The following PTPRD variants were observed in gnomAD, a reference collection of about 807,000 sequenced individuals.
The protein encoded by PTPRD is receptor-type tyrosine-protein phosphatase delta.
A neutral mutation model predicts 214.5 loss-of-function variants in PTPRD; 34 were observed. That is an observed-to-expected ratio of 0.16 (90% CI 0.12 to 0.21). The LOEUF (loss-of-function observed/expected upper bound fraction) is 0.21, where lower values mean the gene tolerates loss of function less well. Ranked by LOEUF, PTPRD falls within the 10% of genes least tolerant of loss-of-function variation. The pLI, the probability that PTPRD is intolerant of heterozygous loss-of-function variation, is 1.00. For missense variants in PTPRD, 2,545 were observed against 2,398.7 expected (o/e 1.06, Z -1.27); for synonymous variants, 1,128 against 845.7 (o/e 1.33, Z -5.79).
At chr9:10,561,296 A>C (rs1171515776) in intron 2 of PTPRD, among the ~76,000 whole-genome samples, 3 of 152,174 alleles carry the variant, frequency 2.0e-5, no homozygotes, top group Non-Finnish European at 4.4e-5. Context: ...GAAGACCTGA[A>C]GCACTTATTT....
chr9:10,141,524 C>T (rs1337553074), intron 3 of PTPRD, among the ~76,000 whole-genome samples: 1 of 151,904 alleles, frequency 6.6e-6, no homozygotes, highest in Non-Finnish European at 1.5e-5. Context: ...GAATAAAATA[C>T]TTAGGAATTC....
intron 10 of PTPRD, among the ~76,000 whole-genome samples, chr9:9,073,844 T>C (rs963071304): frequency 7.2e-5 from 11 of 152,198 alleles, no homozygotes; most frequent in African/African-American, 2.6e-4. Flanking sequence ...CCAAAATCCA[T>C]TAAAAATCCT....
chr9:9,475,978 C>G (rs568969985), intron 8 of PTPRD, among the ~76,000 whole-genome samples: 56 of 151,966 alleles, frequency 3.7e-4, no homozygotes, highest in Non-Finnish European at 7.2e-4. Context: ...AGGTAGAACT[C>G]CACTACATTA....
chr9:9,295,452 C>T (rs117004736), intron 9 of PTPRD, among the ~76,000 whole-genome samples: 1,833 of 151,638 alleles, frequency 0.012, 11 homozygotes, highest in Middle Eastern at 0.051. Context: ...TGTAGTTCTA[C>T]GTATTTTAAA....
chr9:10,039,743 T>C (rs1259669204), intron 3 of PTPRD, among the ~76,000 whole-genome samples: 1 of 151,900 alleles, frequency 6.6e-6, no homozygotes, highest in Non-Finnish European at 1.5e-5. Context: ...TATTCTGCTT[T>C]AACCCCTTCT....
chr9:8,425,124 T>G (rs545803840), intron 35 of PTPRD, among the ~76,000 whole-genome samples: 54 of 152,328 alleles, frequency 3.5e-4, no homozygotes, highest in Admixed American at 6.5e-4. Context: ...CACTACCATT[T>G]TATAATTTTA....
intron 7 of PTPRD, among the ~76,000 whole-genome samples, chr9:9,668,008 G>A (rs758444861): frequency 6.6e-6 from 1 of 152,066 alleles, no homozygotes; most frequent in Non-Finnish European, 1.5e-5. Flanking sequence ...TGTGAAAATG[G>A]ACAGATTATC....
At chr9:8,735,138 G>GTTTTTTTTTTTT (rs756286581) in intron 11 of PTPRD, among the ~76,000 whole-genome samples, 3 of 126,076 alleles carry the variant, frequency 2.4e-5, no homozygotes, top group East Asian at 2.3e-4. Context: ...GTTTTTTTTT[G>GTTTTTTTTTTTT]TTTTTTTTTT....
At chr9:8,934,432 TA>T in intron 11 of PTPRD, among the ~76,000 whole-genome samples, 2 of 51,738 alleles carry the variant, frequency 3.9e-5, no homozygotes, top group South Asian at 1.0e-3. Flanking sequence ...TATATATATA[TA>T]TAAATATATA....
At chr9:10,264,779 A>G (rs1455670344) in intron 3 of PTPRD, among the ~76,000 whole-genome samples, 1 of 152,062 alleles carries the variant, frequency 6.6e-6, no homozygotes, top group East Asian at 1.9e-4. Context: ...GGGCGGAATG[A>G]TATGGTTTTG....
At chr9:9,215,327 T>C (rs2099951468) in intron 9 of PTPRD, among the ~76,000 whole-genome samples, 1 of 152,122 alleles carries the variant, frequency 6.6e-6, no homozygotes, top group South Asian at 2.1e-4. Flanking sequence ...GTTATGGAGC[T>C]ACAAGAGAAC....
At chr9:9,127,672 A>G (rs2099836182) in intron 10 of PTPRD, among the ~76,000 whole-genome samples, 1 of 152,198 alleles carries the variant, frequency 6.6e-6, no homozygotes, top group Non-Finnish European at 1.5e-5. Flanking sequence ...GAGCTTTCAT[A>G]TTTGAGCCAA....
intron 7 of PTPRD, among the ~76,000 whole-genome samples, chr9:9,604,069 T>G (rs888897447): frequency 6.6e-6 from 1 of 152,082 alleles, no homozygotes; most frequent in Admixed American, 6.6e-5. Flanking sequence ...TAATATAATT[T>G]TGCTTTTATT....
chr9:8,715,729 G>C (rs1170012989), intron 12 of PTPRD, among the ~76,000 whole-genome samples: 1 of 152,178 alleles, frequency 6.6e-6, no homozygotes, highest in Non-Finnish European at 1.5e-5. Context: ...CCTAATTAGT[G>C]TCACCTCAAT....
At chr9:9,049,269 T>C (rs903633758) in intron 10 of PTPRD, among the ~76,000 whole-genome samples, 2 of 152,170 alleles carry the variant, frequency 1.3e-5, no homozygotes, top group Non-Finnish European at 2.9e-5. Flanking sequence ...AGAAAAATGT[T>C]ATCAAGTCAT....
At chr9:9,213,642 T>C (rs2099950264) in intron 9 of PTPRD, among the ~76,000 whole-genome samples, 2 of 152,144 alleles carry the variant, frequency 1.3e-5, no homozygotes, top group South Asian at 4.1e-4. Context: ...TATTCAAATA[T>C]ACAGACACAT....
chr9:8,971,724 T>C (rs2099239663), intron 11 of PTPRD, among the ~76,000 whole-genome samples: 1 of 151,252 alleles, frequency 6.6e-6, no homozygotes, highest in South Asian at 2.1e-4. Context: ...TAATTAAATA[T>C]TTATTGAACA....
intron 5 of PTPRD, among the ~76,000 whole-genome samples, chr9:9,853,880 A>C (rs552786314): frequency 6.6e-6 from 1 of 152,346 alleles, no homozygotes; most frequent in African/African-American, 2.4e-5. Flanking sequence ...TGAATAACAC[A>C]TAATTGTACA....
chr9:10,095,493 T>G (rs189298468), intron 3 of PTPRD, among the ~76,000 whole-genome samples: 61 of 151,634 alleles, frequency 4.0e-4, no homozygotes, highest in South Asian at 4.1e-4. Context: ...GTCTTATCCC[T>G]TCTGATTACT....
Sources: allele counts gnomAD v4.1 joint callset (sites outside exome capture counted in the v4.1 genomes callset), GRCh38; gene constraint gnomAD v4.1.1; transcripts MANE v1.5; gene names NCBI Gene and HGNC (gene_info 2026-07-23, HGNC 2026-07-21).